Variants in LATS2 observed in about 807,000 individuals in gnomAD.
LATS2 encodes serine/threonine-protein kinase LATS2.
In LATS2, 24 loss-of-function variants were observed where a neutral mutation model predicts 76.0. The observed-to-expected ratio is 0.32, with a 90% CI of 0.23 to 0.44. The LOEUF (loss-of-function observed/expected upper bound fraction) is 0.44, where lower values mean the gene tolerates loss of function less well. Ranked by LOEUF, LATS2 falls within the 20% of genes least tolerant of loss-of-function variation. The pLI is 1.00. For missense variants in LATS2, 1,286 were observed against 1,481.2 expected (o/e 0.87, Z 2.16); for synonymous variants, 692 against 635.4 (o/e 1.09, Z -1.34).
chr13:21,028,437 A>G (rs1431518174), intron 2 of LATS2, among the ~76,000 whole-genome samples: 1 of 152,168 alleles, frequency 6.6e-6, no homozygotes, highest in African/African-American at 2.4e-5. Context: ...TCCTTTGGGT[A>G]TATACCCAGT....
chr13:21,036,540 C>T (rs1221030256), intron 2 of LATS2, among the ~76,000 whole-genome samples: 3 of 151,960 alleles, frequency 2.0e-5, no homozygotes, highest in African/African-American at 4.8e-5. Flanking sequence ...TTTGGGAGGC[C>T]GAGGTGGGCA....
intron 2 of LATS2, among the ~76,000 whole-genome samples, chr13:21,025,229 A>G (rs1203809507): frequency 1.3e-5 from 2 of 151,426 alleles, no homozygotes; most frequent in African/African-American, 2.4e-5. Flanking sequence ...AAAAAAAAAA[A>G]AAAAATACAA....
chr13:21,006,706 C>T (rs1321065618), intron 2 of LATS2, among the ~76,000 whole-genome samples: 3 of 152,316 alleles, frequency 2.0e-5, no homozygotes, highest in Middle Eastern at 3.4e-3. Flanking sequence ...TCCACTTACT[C>T]GACAATGGCA....
intron 2 of LATS2, among the ~76,000 whole-genome samples, chr13:21,025,411 A>C (rs980933255): frequency 2.0e-5 from 3 of 149,382 alleles, no homozygotes; most frequent in African/African-American, 7.5e-5. Flanking sequence ...AAAAAAAAAA[A>C]AAATTATGGT....
rs1565942755 is a variant in LATS2 at position 20,983,633 on chromosome 13, G to GT, written c.2072dup (p.His691GlnfsTer36). On this transcript the variant is annotated frameshift_variant, in exon 5 of 8. Coordinates refer to ENST00000382592, the MANE Select transcript of LATS2 (RefSeq NM_014572.3). LOFTEE classifies it high-confidence loss of function. ...TTAGGGTCTTCATGGCGTACAGGGC[G>GT]TGAGTGTCCACCTTACAAGCAAGGC... 6.2e-7 allele frequency: 1 copy of GT among 1,614,124 alleles called. No individual in the cohort carries two copies. Among genetic ancestry groups the GT allele is most frequent in the Non-Finnish European group, 8.5e-7 (1 of 1,180,024 alleles).
intron 6 of LATS2, 35 bp from the exon 7 acceptor site, chr13:20,979,832 C>T (rs2275234): frequency 0.072 from 82,455 of 1,149,226 alleles, 8,465 homozygotes; most frequent in East Asian, 0.47. Flanking sequence ...CCTACACAGG[C>T]ATGAATTCTC....
intron 2 of LATS2, among the ~76,000 whole-genome samples, chr13:21,042,932 C>T (rs528687390): frequency 1.5e-3 from 225 of 150,654 alleles, no homozygotes; most frequent in African/African-American, 5.1e-3. Flanking sequence ...TGCAGTGAGC[C>T]GAGATTGCGC....
In LATS2 at chr13:20,974,100, T is replaced by G. The variant is rs1351397874; in HGVS notation, c.*770A>C. On this transcript the variant is annotated 3_prime_UTR_variant, in exon 8 of 8. Coordinates refer to ENST00000382592, the MANE Select transcript of LATS2 (RefSeq NM_014572.3). ...GCGAAGAGGTCACCCGCACAATACA[T>G]TATCAGCACACTGTCTAGAACACCT... 1 of 223,804 alleles carries G rather than the reference T, an allele frequency of 4.5e-6. No homozygotes were observed. Among genetic ancestry groups the G allele is most frequent in the Non-Finnish European group, 8.9e-6 (1 of 112,348 alleles). The allele number at this position is 223,804 out of a possible 1,614,324, so 13.9% of individuals were successfully genotyped here. A position where few individuals can be genotyped will look rare whatever the true frequency, so the allele number is the denominator to read the frequency against.
chr13:20,980,160 C>A (rs1869806524), intron 6 of LATS2, among the ~76,000 whole-genome samples: 1 of 152,188 alleles, frequency 6.6e-6, no homozygotes, highest in Non-Finnish European at 1.5e-5. Flanking sequence ...GTGCTATAAC[C>A]TGTGAATAGT....
chr13:21,000,360 G>A (rs1436065446), intron 2 of LATS2, among the ~76,000 whole-genome samples: 2 of 151,896 alleles, frequency 1.3e-5, no homozygotes, highest in African/African-American at 4.8e-5. Flanking sequence ...CAGCCTGGGT[G>A]ACAGAGCAAG....
chr13:20,984,196 A>C (rs1870041032), intron 4 of LATS2, among the ~76,000 whole-genome samples: 1 of 152,210 alleles, frequency 6.6e-6, no homozygotes, highest in African/African-American at 2.4e-5. Context: ...GGCCTCCCAA[A>C]GTGCAGGGAT....
intron 2 of LATS2, among the ~76,000 whole-genome samples, chr13:21,003,949 C>T (rs1258208923): frequency 6.6e-6 from 1 of 152,134 alleles, no homozygotes; most frequent in Non-Finnish European, 1.5e-5. Context: ...TATTTGACTA[C>T]AAAATTACTT....
chr13:21,015,180 ATCCTGTACTTTC>A (rs1213991360), intron 2 of LATS2, among the ~76,000 whole-genome samples: 3 of 152,218 alleles, frequency 2.0e-5, no homozygotes, highest in Non-Finnish European at 4.4e-5. Context: ...GAAATGAGCT[ATCCTGTACTTTC>A]TCATGAATGG....
intron 2 of LATS2, among the ~76,000 whole-genome samples, chr13:20,995,174 C>G (rs549807926): frequency 1.3e-5 from 2 of 152,104 alleles, no homozygotes; most frequent in Non-Finnish European, 2.9e-5. Context: ...TTAGCTGTTA[C>G]AGTTCACAAA....
At position 20,988,642 on chromosome 13, in the gene LATS2, A is replaced by G. The variant is rs1393524851; in HGVS notation, c.1138T>C (p.Ser380Pro). 8.8e-6 allele frequency: 14 copies of G among 1,583,812 alleles called. No homozygotes were observed. Among genetic ancestry groups the G allele is most frequent in the Non-Finnish European group, 1.1e-5 (13 of 1,174,100 alleles). ...WPAATLARRD[S>P]LQKPGLEAPP... is the part of the protein sequence containing the mutation. ...GCCTCCAGGCCCGGCTTCTGCAGGG[A>G]GTCCCGGCGGGCCAGGGTGGCAGCC... Residue 380 changes from serine to proline, a missense_variant, in exon 4 of 8, where the codon TCC becomes CCC. By Grantham distance (74) the Ser-to-Pro change is moderately conservative. Transcript: ENST00000382592.
Position 20,983,244 on chromosome 13 carries a change from T to C in LATS2, c.2462A>G (p.Asn821Ser). Residue 821 changes from asparagine to serine, a missense_variant, in exon 5 of 8, where the codon AAT (asparagine) becomes AGT (serine). Asn to Ser is a conservative substitution (Grantham distance 46). Around this residue, in one of 5 missense-constraint regions of LATS2, gnomAD observed 247 missense variants for 385.4 expected, o/e 0.64. Transcript: ENST00000382592. Reference sequence around the variant, plus strand: ...AATACCTTTCTGGTAATATTTGGAATTGTGAGTCCACCTGAACCCAGTGCA... The same window carrying C: ...AATACCTTTCTGGTAATATTTGGAACTGTGAGTCCACCTGAACCCAGTGCA... ...GLCTGFRWTH[N>S]SKYYQKGSHV... The C allele has an allele frequency of 6.2e-7, 1 of 1,612,022 alleles. No individual in the cohort carries two copies. Among genetic ancestry groups the C allele is most frequent in the East Asian group, 2.2e-5 (1 of 44,850 alleles).
At position 20,974,524 on chromosome 13, in the gene LATS2, A is replaced by C. The variant is rs1223607532; in HGVS notation, c.*346T>G. Reference sequence around the variant, plus strand: ...AATAAGTGCTATGGATAAAATACAAATGTAGAAAATAACAGCAGCATGATT... The same window carrying C: ...AATAAGTGCTATGGATAAAATACAACTGTAGAAAATAACAGCAGCATGATT... On this transcript the variant is annotated 3_prime_UTR_variant, in exon 8 of 8. Transcript: ENST00000382592. 5 of 261,296 alleles carry C rather than the reference A, an allele frequency of 1.9e-5. No individual in the cohort carries two copies. The highest frequency in any genetic ancestry group is 3.7e-5 in the Non-Finnish European group (5 of 136,666). The allele number at this position is 261,296 out of a possible 1,614,324, so 16.2% of individuals were successfully genotyped here.
chr13:21,022,651 C>T (rs1334178518), intron 2 of LATS2, among the ~76,000 whole-genome samples: 2 of 152,086 alleles, frequency 1.3e-5, no homozygotes, highest in African/African-American at 2.4e-5. Flanking sequence ...TTAGGAATCC[C>T]GCGTTTACTG....
intron 2 of LATS2, among the ~76,000 whole-genome samples, chr13:21,021,123 TAGG>T (rs1301693186): frequency 6.6e-6 from 1 of 152,132 alleles, no homozygotes; most frequent in Non-Finnish European, 1.5e-5. Context: ...AGTGAGTATC[TAGG>T]AGTTCATTAT....
Sources: gnomAD v4.1 joint callset for allele counts (sites outside exome capture counted in the v4.1 genomes callset) on GRCh38, gnomAD v4.1.1 for gene constraint, gnomAD v4.1.1 regional missense constraint, MANE v1.5 for transcripts, NCBI Gene and HGNC (gene_info 2026-07-23, HGNC 2026-07-21) for gene names.